The following DNMBP variants were observed in gnomAD, a reference collection of about 807,000 sequenced individuals.
DNMBP encodes the protein dynamin binding protein.
A neutral mutation model predicts 150.0 loss-of-function variants in DNMBP; 87 were observed. That is an observed-to-expected ratio of 0.58 (90% CI 0.49 to 0.69). The LOEUF (loss-of-function observed/expected upper bound fraction) is 0.69, where lower values mean the gene tolerates loss of function less well. Ranked by LOEUF, DNMBP falls within the 30% of genes least tolerant of loss-of-function variation. DNMBP has a pLI of 0.00. For missense variants in DNMBP, 1,774 were observed against 1,949.0 expected (o/e 0.91, Z 1.69); for synonymous variants, 711 against 750.4 (o/e 0.95, Z 0.86).
intron 7 of DNMBP, among the ~76,000 whole-genome samples, chr10:99,899,321 G>A (rs2039704597): frequency 6.6e-6 from 1 of 151,944 alleles, no homozygotes; most frequent in Non-Finnish European, 1.5e-5. Context: ...GAATACCTTA[G>A]CTGGGCATGG....
At chr10:99,894,377 C>G (rs1028487168) in intron 11 of DNMBP, among the ~76,000 whole-genome samples, 2 of 152,168 alleles carry the variant, frequency 1.3e-5, no homozygotes, top group Admixed American at 6.5e-5. Context: ...TGGTTCTGAC[C>G]TCAGGGAGGA....
At chr10:99,993,048 T>TA (rs1329826979) in intron 1 of DNMBP, among the ~76,000 whole-genome samples, 1 of 151,868 alleles carries the variant, frequency 6.6e-6, no homozygotes, top group Non-Finnish European at 1.5e-5. Flanking sequence ...AACATAAAAA[T>TA]AAAAATAAAG....
chr10:99,965,496 C>CTTTTT (rs35603478), intron 3 of DNMBP, among the ~76,000 whole-genome samples: 2 of 134,394 alleles, frequency 1.5e-5, no homozygotes, highest in East Asian at 2.1e-4. Flanking sequence ...ATCTCACATA[C>CTTTTT]TTTTTTTTTT....
intron 16 of DNMBP, among the ~76,000 whole-genome samples, chr10:99,878,620 T>C (rs1187705664): frequency 2.0e-5 from 3 of 152,114 alleles, no homozygotes; most frequent in Non-Finnish European, 4.4e-5. Flanking sequence ...ACTGGACTCT[T>C]AGAATCCAGA....
intron 4 of DNMBP, among the ~76,000 whole-genome samples, chr10:99,929,147 A>AAAAT (rs1340097871): frequency 3.3e-5 from 5 of 152,208 alleles, no homozygotes; most frequent in Admixed American, 6.5e-5. Flanking sequence ...TTGTTTCAAA[A>AAAAT]AAATAAATAA....
chr10:99,901,348 G>A (rs1029643824), intron 6 of DNMBP, among the ~76,000 whole-genome samples: 3 of 152,156 alleles, frequency 2.0e-5, no homozygotes, highest in Admixed American at 2.0e-4. Flanking sequence ...CTGGTTGAGG[G>A]TTACTGAAAT....
intron 1 of DNMBP, among the ~76,000 whole-genome samples, chr10:100,000,488 A>C (rs2040996489): frequency 6.6e-6 from 1 of 152,206 alleles, no homozygotes; most frequent in Non-Finnish European, 1.5e-5. Flanking sequence ...CAGCCTCCGC[A>C]GGAGGGGCTA....
chr10:99,959,353 G>C (rs1158482434), intron 3 of DNMBP, among the ~76,000 whole-genome samples: 1 of 152,120 alleles, frequency 6.6e-6, no homozygotes, highest in Admixed American at 6.5e-5. Context: ...AGGTGTGGTG[G>C]TGCCCACCTG....
chr10:99,947,288 C>T (rs976909130), intron 4 of DNMBP, among the ~76,000 whole-genome samples: 7 of 152,134 alleles, frequency 4.6e-5, no homozygotes, highest in Non-Finnish European at 4.4e-5. Flanking sequence ...CTATTCACTA[C>T]AGCAAAGACA....
intron 4 of DNMBP, among the ~76,000 whole-genome samples, chr10:99,941,611 G>A (rs2040301518): frequency 6.6e-6 from 1 of 152,080 alleles, no homozygotes; most frequent in South Asian, 2.1e-4. Flanking sequence ...TGGGATTACA[G>A]GCATGTGCCA....
chr10:99,999,598 C>A (rs1434891319), intron 1 of DNMBP, among the ~76,000 whole-genome samples: 1 of 152,188 alleles, frequency 6.6e-6, no homozygotes, highest in Non-Finnish European at 1.5e-5. Flanking sequence ...AGAGAGCCCA[C>A]ATTCACATAG....
intron 6 of DNMBP, among the ~76,000 whole-genome samples, chr10:99,907,013 T>A (rs1363222827): frequency 6.6e-6 from 1 of 152,150 alleles, no homozygotes; most frequent in Non-Finnish European, 1.5e-5. Context: ...ATATTTGAAA[T>A]GAAAATAAAA....
chr10:99,939,778 T>A (rs889001361), intron 4 of DNMBP, among the ~76,000 whole-genome samples: 5 of 152,218 alleles, frequency 3.3e-5, no homozygotes, highest in African/African-American at 7.2e-5. Context: ...ATAACGCCAT[T>A]ACTGTAGAAC....
intron 1 of DNMBP, among the ~76,000 whole-genome samples, chr10:99,976,659 T>A (rs888933036): frequency 3.3e-5 from 5 of 152,216 alleles, no homozygotes. Flanking sequence ...ATGTTCGTGG[T>A]AGAGTTTTTC....
chr10:99,917,992 A>AT (rs2039984620), intron 4 of DNMBP, among the ~76,000 whole-genome samples: 1 of 53,806 alleles, frequency 1.9e-5, no homozygotes, highest in Non-Finnish European at 4.4e-5. Flanking sequence ...AAAAAAAAAG[A>AT]AAAGAAAGGA....
intron 1 of DNMBP, among the ~76,000 whole-genome samples, chr10:99,974,347 G>A (rs939966221): frequency 6.6e-6 from 1 of 152,170 alleles, no homozygotes; most frequent in Non-Finnish European, 1.5e-5. Context: ...TGTGGCTGGG[G>A]AACCTACGTA....
chr10:100,004,006 A>T (rs2041042307), intron 1 of DNMBP, among the ~76,000 whole-genome samples: 1 of 151,824 alleles, frequency 6.6e-6, no homozygotes, highest in Non-Finnish European at 1.5e-5. Flanking sequence ...CCAAGGCAGG[A>T]AGATTGCTGG....
At chr10:99,933,811 A>C (rs189895908) in intron 4 of DNMBP, among the ~76,000 whole-genome samples, 1,525 of 152,230 alleles carry the variant, frequency 0.01, 13 homozygotes, top group Non-Finnish European at 0.017. Context: ...ATCTTGGCTC[A>C]CTGCAAGCTC....
chr10:99,987,481 C>T (rs1261410175), intron 1 of DNMBP, among the ~76,000 whole-genome samples: 1 of 152,158 alleles, frequency 6.6e-6, no homozygotes, highest in Non-Finnish European at 1.5e-5. Context: ...CGCCTGTAAT[C>T]CTAGCACTTT....
Sources: allele counts gnomAD v4.1 joint callset (sites outside exome capture counted in the v4.1 genomes callset), GRCh38; gene constraint gnomAD v4.1.1; transcripts MANE v1.5; gene names NCBI Gene and HGNC (gene_info 2026-07-23, HGNC 2026-07-21).